NTRK3: variants seen among roughly 807,000 people sequenced by gnomAD.
NTRK3 encodes the protein NT-3 growth factor receptor.
In NTRK3, 24 loss-of-function variants were observed where a neutral mutation model predicts 91.7. The ratio of observed to expected loss-of-function variants is 0.26; its 90% CI spans 0.19 to 0.37. The LOEUF (loss-of-function observed/expected upper bound fraction) is 0.37. Ranked by LOEUF, NTRK3 falls within the 10% of genes least tolerant of loss-of-function variation. The probability of loss-of-function intolerance (pLI) is 1.00; values close to 1 mark genes in which losing one functional copy is unlikely to be tolerated. For synonymous variants in NTRK3, 483 were observed against 404.0 expected, an observed-to-expected ratio of 1.20 and a Z score of -2.34; for missense variants, 880 against 1,068.9, an observed-to-expected ratio of 0.82 and a Z score of 2.46.
chr15:87,896,205 G>C (rs2066113258), intron 17 of NTRK3, among the ~76,000 whole-genome samples: 1 of 152,158 alleles, frequency 6.6e-6, no homozygotes, highest in Non-Finnish European at 1.5e-5. Context: ...AGGTGCAGTG[G>C]CTCACGCCTG....
chr15:88,171,125 G>A (rs912432001), intron 5 of NTRK3, among the ~76,000 whole-genome samples: 18 of 152,286 alleles, frequency 1.2e-4, no homozygotes, highest in Middle Eastern at 3.4e-3. Flanking sequence ...AACAGCTGTC[G>A]GAGGAAGGGA....
rs183124389 is a variant in NTRK3, at chr15:88,033,210, A to G, written c.1397-165T>C. On this transcript the variant is annotated intron_variant, in intron 13 of 18. Transcript: ENST00000394480. ...TATATATATATATATATATATATAT[A>G]TATATAAATTCAGTTGTTTGGGTTT... Among the ~76,000 whole-genome samples, 136 of 121,242 alleles carry G rather than the reference A, an allele frequency of 1.1e-3. 2 individuals are homozygous for G. Among genetic ancestry groups the G allele is most frequent in the African/African-American group, 4.6e-3 (131 of 28,536 alleles). The allele number at this position is 121,242 out of a possible 152,430, so 79.5% of individuals were successfully genotyped here. A position where few individuals can be genotyped will look rare whatever the true frequency, so the allele number is the denominator to read the frequency against.
At chr15:87,939,853 G>A (rs1000887439) in intron 15 of NTRK3, among the ~76,000 whole-genome samples, 2 of 152,182 alleles carry the variant, frequency 1.3e-5, no homozygotes, top group African/African-American at 2.4e-5. Flanking sequence ...TCCAATATTG[G>A]TTTACAAAGA....
At chr15:87,933,235 G>A (rs1161759502) in intron 15 of NTRK3, 51 bp from the exon 16 acceptor site, 2 of 1,586,920 alleles carry the variant, frequency 1.3e-6, no homozygotes, top group Non-Finnish European at 1.7e-6. Flanking sequence ...GCAGGGGGCT[G>A]TCTTTTCTAC....
At chr15:88,169,858 G>C (rs1045689918) in intron 5 of NTRK3, among the ~76,000 whole-genome samples, 1 of 152,100 alleles carries the variant, frequency 6.6e-6, no homozygotes, top group African/African-American at 2.4e-5. Flanking sequence ...CCCATCCTTA[G>C]GTTTCAGGTG....
intron 13 of NTRK3, among the ~76,000 whole-genome samples, chr15:88,113,390 A>C (rs112529458): frequency 0.026 from 3,604 of 137,064 alleles, 51 homozygotes; most frequent in Non-Finnish European, 0.04. Flanking sequence ...ATCTTGGCTC[A>C]CTGCAACCTC....
At chr15:88,028,202 C>T (rs1395088083) in intron 14 of NTRK3, among the ~76,000 whole-genome samples, 5 of 151,932 alleles carry the variant, frequency 3.3e-5, no homozygotes, top group African/African-American at 1.2e-4. Flanking sequence ...TCTCAGTGGT[C>T]CTGCAGCAGG....
intron 13 of NTRK3, among the ~76,000 whole-genome samples, chr15:88,115,100 T>G (rs1373229315): frequency 6.6e-6 from 1 of 152,120 alleles, no homozygotes; most frequent in Non-Finnish European, 1.5e-5. Flanking sequence ...GATTTTAGGT[T>G]TTTAATAAAT....
intron 14 of NTRK3, among the ~76,000 whole-genome samples, chr15:87,942,121 C>CT (rs1276293463): frequency 6.6e-6 from 1 of 152,208 alleles, no homozygotes; most frequent in African/African-American, 2.4e-5. Context: ...CTACAGGAAT[C>CT]TTTTTCCTCC....
At chr15:87,933,591 C>T (rs1030119111) in intron 15 of NTRK3, among the ~76,000 whole-genome samples, 2 of 152,228 alleles carry the variant, frequency 1.3e-5, no homozygotes, top group African/African-American at 2.4e-5. Context: ...AAACCACTGC[C>T]CCAATACTTT....
At chr15:88,142,656 G>A (rs1345362509) in intron 6 of NTRK3, among the ~76,000 whole-genome samples, 2 of 152,220 alleles carry the variant, frequency 1.3e-5, no homozygotes, top group African/African-American at 4.8e-5. Context: ...GGAGCCATCA[G>A]CACAGGCCTC....
chr15:88,074,940 A>G (rs555954435), intron 13 of NTRK3, among the ~76,000 whole-genome samples: 12 of 152,314 alleles, frequency 7.9e-5, no homozygotes, highest in African/African-American at 2.6e-4. Context: ...TGTATGATGT[A>G]AGGGACTTTC....
At chr15:87,984,802 G>A (rs1436611081) in intron 14 of NTRK3, among the ~76,000 whole-genome samples, 1 of 152,170 alleles carries the variant, frequency 6.6e-6, no homozygotes, top group Non-Finnish European at 1.5e-5. Flanking sequence ...TTACTGCACA[G>A]TGATAACCCA....
intron 13 of NTRK3, among the ~76,000 whole-genome samples, chr15:88,101,215 T>C (rs1030067160): frequency 1.1e-4 from 16 of 151,672 alleles, no homozygotes; most frequent in East Asian, 5.8e-4. Flanking sequence ...AGGATATGAA[T>C]AGACACTTCT....
chr15:87,884,235 C>T (rs2065410119), intron 17 of NTRK3, among the ~76,000 whole-genome samples: 1 of 151,400 alleles, frequency 6.6e-6, no homozygotes, highest in Non-Finnish European at 1.5e-5. Context: ...AAGACTATTA[C>T]ATCCATAAAT....
intron 14 of NTRK3, among the ~76,000 whole-genome samples, chr15:87,964,215 T>C (rs1273256552): frequency 6.6e-6 from 1 of 152,110 alleles, no homozygotes; most frequent in Non-Finnish European, 1.5e-5. Flanking sequence ...AGGTTACTTA[T>C]CTGGTAATGG....
chr15:87,873,047 A>G (rs1219841205), exon 19 of NTRK3: 1 of 232,758 alleles, frequency 4.3e-6, no homozygotes, highest in African/African-American at 2.2e-5. Flanking sequence ...ACTCACTTCT[A>G]CTTCTGAGTT....
chr15:88,068,582 A>C (rs1000694587), intron 13 of NTRK3, among the ~76,000 whole-genome samples: 2 of 152,226 alleles, frequency 1.3e-5, no homozygotes, highest in Non-Finnish European at 2.9e-5. Context: ...AGGGCTCAGA[A>C]AGGATAGACA....
chr15:87,958,230 A>G (rs1382303275), intron 14 of NTRK3, among the ~76,000 whole-genome samples: 2 of 152,196 alleles, frequency 1.3e-5, no homozygotes, highest in African/African-American at 4.8e-5. Context: ...TAGGATGCTT[A>G]GTCTGTCTGT....
Sources: gnomAD v4.1 joint callset for allele counts (sites outside exome capture counted in the v4.1 genomes callset) on GRCh38, gnomAD v4.1.1 for gene constraint, MANE v1.5 for transcripts, NCBI Gene and HGNC (gene_info 2026-07-23, HGNC 2026-07-21) for gene names.